The following SUSD6 variants were observed in gnomAD, a reference collection of about 807,000 sequenced individuals.
SUSD6 encodes sushi domain-containing protein 6.
In SUSD6, 16 loss-of-function variants were observed where a neutral mutation model predicts 28.4. The observed-to-expected ratio is 0.56, with a 90% confidence interval of 0.38 to 0.86. The LOEUF is 0.86. Among genes scored for constraint, SUSD6 ranks in the 40% least tolerant of loss-of-function variants. SUSD6 has a pLI of 0.00. For missense variants in SUSD6, 341 were observed against 384.2 expected (o/e 0.89, Z 0.94); for synonymous variants, 147 against 159.6 (o/e 0.92, Z 0.59).
chr14:69,663,740 G>T (rs1210431673), intron 2 of SUSD6, among the ~76,000 whole-genome samples: 2 of 152,142 alleles, frequency 1.3e-5, no homozygotes, highest in African/African-American at 4.8e-5. Context: ...GAGGCTGGCT[G>T]GGATTTGTGC....
At chr14:69,685,818 A>G (rs1468839451) in intron 2 of SUSD6, among the ~76,000 whole-genome samples, 1 of 152,206 alleles carries the variant, frequency 6.6e-6, no homozygotes, top group Non-Finnish European at 1.5e-5. Flanking sequence ...TGTCATGGGA[A>G]CAACCTGTAC....
intron 1 of SUSD6, among the ~76,000 whole-genome samples, chr14:69,642,149 T>G (rs1279528956): frequency 6.6e-6 from 1 of 152,190 alleles, no homozygotes; most frequent in African/African-American, 2.4e-5. Context: ...CCTTGCTGGG[T>G]GCTGGAACTT....
At chr14:69,654,765 C>A (rs1356380656) in intron 1 of SUSD6, among the ~76,000 whole-genome samples, 1 of 143,912 alleles carries the variant, frequency 6.9e-6, no homozygotes, top group Non-Finnish European at 1.5e-5. Context: ...CATTAGTTAC[C>A]AATTTCTTTT....
At chr14:69,687,257 G>C (rs1886086916) in intron 2 of SUSD6, among the ~76,000 whole-genome samples, 1 of 152,166 alleles carries the variant, frequency 6.6e-6, no homozygotes, top group South Asian at 2.1e-4. Flanking sequence ...TTACAGGTGT[G>C]AGCCACTGCA....
At chr14:69,695,200 C>A (rs947105515) in intron 2 of SUSD6, among the ~76,000 whole-genome samples, 64 of 152,098 alleles carry the variant, frequency 4.2e-4, no homozygotes, top group African/African-American at 1.5e-3. Context: ...GACTATTTGG[C>A]GGGATCGGGA....
At chr14:69,633,588 A>AT (rs1199650342) in intron 1 of SUSD6, among the ~76,000 whole-genome samples, 5 of 150,958 alleles carry the variant, frequency 3.3e-5, no homozygotes. Context: ...TTTTTTTCCT[A>AT]TTTTTTCATT....
chr14:69,642,780 G>C (rs940448244), intron 1 of SUSD6, among the ~76,000 whole-genome samples: 3 of 152,022 alleles, frequency 2.0e-5, no homozygotes, highest in Non-Finnish European at 2.9e-5. Flanking sequence ...GTGAGTTCTA[G>C]GGGTTGTGCC....
rs115481474 is a variant in SUSD6, at chr14:69,644,948, G to A, written c.-80-13565G>A. On this transcript the variant is annotated intron_variant, in intron 1 of 5. Transcript: ENST00000342745. The stretch of plus-strand genomic sequence containing the variant: ...TGAGGTAAGGGTATAGGTGGCGGCA[G>A]GGGCATGGGGCTAATCAAAGGGAAG... Among the ~76,000 whole-genome samples, 263 of 152,308 alleles carry A rather than the reference G, an allele frequency of 1.7e-3. 1 individual carries two copies. The highest frequency in any genetic ancestry group is 5.9e-3 in the African/African-American group (246 of 41,570).
At chr14:69,637,621 G>T (rs1430558410) in intron 1 of SUSD6, among the ~76,000 whole-genome samples, 1 of 152,118 alleles carries the variant, frequency 6.6e-6, no homozygotes, top group East Asian at 1.9e-4. Flanking sequence ...CAAAGCATTG[G>T]GTGATGTTGC....
At chr14:69,699,967 C>T (rs1555346645) in intron 2 of SUSD6, among the ~76,000 whole-genome samples, 3 of 152,096 alleles carry the variant, frequency 2.0e-5, no homozygotes, top group Non-Finnish European at 4.4e-5. Flanking sequence ...AATAGCTGGC[C>T]GTCCCACCCT....
intron 1 of SUSD6, among the ~76,000 whole-genome samples, chr14:69,636,727 G>A (rs111244721): frequency 2.1e-3 from 317 of 152,318 alleles, no homozygotes; most frequent in African/African-American, 7.5e-3. Context: ...CTCCAGTCTG[G>A]CAGAGGCCTG....
chr14:69,614,751 A>G (rs896196413), intron 1 of SUSD6, among the ~76,000 whole-genome samples: 11 of 152,204 alleles, frequency 7.2e-5, no homozygotes, highest in Admixed American at 5.9e-4. Context: ...TTCAGTACCA[A>G]ACAAGTGAAC....
At chr14:69,703,246 T>A (rs1226701228) in intron 2 of SUSD6, 149 bp from the exon 3 acceptor site, 2 of 678,574 alleles carry the variant, frequency 2.9e-6, no homozygotes, top group African/African-American at 3.6e-5. Flanking sequence ...GCAACCTGAG[T>A]TTCCAGGGTT....
Position 69,708,749 on chromosome 14 carries a change from C to T in SUSD6, c.531C>T (p.Tyr177=), listed in dbSNP as rs570851638. 60 of 1,613,530 alleles carry T rather than the reference C, an allele frequency of 3.7e-5. No homozygotes were observed. The East Asian group carries it at 9.8e-4, about 26-fold the overall frequency. The stretch of plus-strand genomic sequence containing the variant: ...GAGTCCAGGTTGCACTACCATCATA[C>T]GAGGAGGCTGTATATGGCAGTTCTG... ...VDGVQVALPS[Y]EEAVYGSSGH... The change falls in exon 5 of 6, where the codon TAC becomes TAT. Residue 177 remains tyrosine (Y), a synonymous_variant. Coordinates refer to ENST00000342745, the MANE Select transcript of SUSD6 (RefSeq NM_014734.4).
intron 1 of SUSD6, among the ~76,000 whole-genome samples, chr14:69,633,417 T>C (rs1260732305): frequency 6.6e-6 from 1 of 152,222 alleles, no homozygotes; most frequent in Non-Finnish European, 1.5e-5. Flanking sequence ...GACCTTACCC[T>C]GCCACCCGCT....
At chr14:69,677,925 G>A (rs1283577740) in intron 2 of SUSD6, among the ~76,000 whole-genome samples, 3 of 152,098 alleles carry the variant, frequency 2.0e-5, no homozygotes, top group Admixed American at 1.3e-4. Flanking sequence ...AAATGGAGAC[G>A]AGTGTAATCA....
At chr14:69,706,270 T>G (rs1271208308) in intron 4 of SUSD6, among the ~76,000 whole-genome samples, 1 of 152,150 alleles carries the variant, frequency 6.6e-6, no homozygotes, top group Non-Finnish European at 1.5e-5. Context: ...GAGGGAGTTT[T>G]CCCCCCTATA....
At chr14:69,632,715 A>G (rs1193259910) in intron 1 of SUSD6, among the ~76,000 whole-genome samples, 1 of 152,004 alleles carries the variant, frequency 6.6e-6, no homozygotes, top group African/African-American at 2.4e-5. Context: ...CCGTTCCCAG[A>G]AACAGGCAGA....
intron 2 of SUSD6, among the ~76,000 whole-genome samples, chr14:69,690,148 A>T (rs75287978): frequency 6.6e-6 from 1 of 152,204 alleles, no homozygotes; most frequent in Non-Finnish European, 1.5e-5. Flanking sequence ...TGGTCAGTCA[A>T]AAGTGGCTTG....
Sources: gnomAD v4.1 joint callset for allele counts (sites outside exome capture counted in the v4.1 genomes callset) on GRCh38, gnomAD v4.1.1 for gene constraint, MANE v1.5 for transcripts, NCBI Gene and HGNC (gene_info 2026-07-23, HGNC 2026-07-21) for gene names.